Variants in DNAJC21 observed in about 807,000 individuals in gnomAD.
The protein encoded by DNAJC21 is DnaJ heat shock protein family (Hsp40) member C21, also known as dnaJ homolog subfamily C member 21.
A neutral mutation model predicts 72.4 loss-of-function variants in DNAJC21; 63 were observed. The ratio of observed to expected loss-of-function variants is 0.87; its 90% CI spans 0.71 to 1.07. The LOEUF is 1.07. DNAJC21 is among the 50% of genes least tolerant of loss of function. DNAJC21 has a pLI of 0.00. For missense variants in DNAJC21, 634 were observed against 644.8 expected, an observed-to-expected ratio of 0.98 and a Z score of 0.18; for synonymous variants, 203 against 216.7, an observed-to-expected ratio of 0.94 and a Z score of 0.56.
In DNAJC21 at chr5:34,956,087, T is replaced by C. The variant is rs1284627297; in HGVS notation, c.*1373T>C. 6.6e-6 allele frequency: 1 copy of C among 152,092 alleles called. No individual in the cohort carries two copies. The highest frequency in any genetic ancestry group is 2.4e-5 in the African/African-American group (1 of 41,328). The allele number at this position is 152,092 out of a possible 1,614,324, so 9.4% of individuals were successfully genotyped here. A position where few individuals can be genotyped will look rare whatever the true frequency, so the allele number is the denominator to read the frequency against. On this transcript the variant is annotated 3_prime_UTR_variant, in exon 12 of 12. Transcript: ENST00000648817. The stretch of plus-strand genomic sequence containing the variant: ...AAAAAAAAAAAAAAGAAAGTAATTT[T>C]AAACTCACTGGCTTGAAATGTGTGC...
Position 34,953,913 on chromosome 5 carries a change from A to G in DNAJC21, c.1359-13A>G, listed in dbSNP as rs570761732. 8 of 1,603,698 alleles carry G rather than the reference A, an allele frequency of 5.0e-6. No individual in the cohort carries two copies. In the South Asian group the frequency reaches 7.8e-5, roughly 16 times the overall value. ...TGTTATTTTTGGATTATGCTGAATT[A>G]TTTATTTTCCAGTGTTCCTAAACCC... On this transcript the variant is annotated splice_polypyrimidine_tract_variant and intron_variant, in intron 10 of 11. Coordinates refer to ENST00000648817, the MANE Select transcript of DNAJC21 (RefSeq NM_001012339.3).
At chr5:34,947,931 T>C (rs1231196839) in intron 9 of DNAJC21, among the ~76,000 whole-genome samples, 1 of 151,966 alleles carries the variant, frequency 6.6e-6, no homozygotes, top group East Asian at 1.9e-4. Flanking sequence ...GCAATAGTTC[T>C]GTAAAAAAAA....
intron 10 of DNAJC21, chr5:34,951,543 T>C (rs1330364518): frequency 2.3e-5 from 23 of 978,924 alleles, no homozygotes; most frequent in Non-Finnish European, 2.5e-5. Flanking sequence ...TTTTTTTTTT[T>C]TGGAGATGGA....
chr5:34,949,249 T>C (rs1765274941), intron 9 of DNAJC21, among the ~76,000 whole-genome samples: 1 of 152,154 alleles, frequency 6.6e-6, no homozygotes, highest in Non-Finnish European at 1.5e-5. Context: ...AACCTGAATC[T>C]GATCATTTGG....
intron 9 of DNAJC21, among the ~76,000 whole-genome samples, chr5:34,948,770 C>A (rs1412408883): frequency 6.6e-6 from 1 of 151,852 alleles, no homozygotes; most frequent in East Asian, 1.9e-4. Context: ...GAGCCTGAGG[C>A]AGGAGAATCG....
At chr5:34,952,221 G>A in intron 10 of DNAJC21, 5 of 985,100 alleles carry the variant, frequency 5.1e-6, no homozygotes, top group Non-Finnish European at 6.0e-6. Context: ...TAATATAAGT[G>A]ATGTTTGCCA....
intron 9 of DNAJC21, chr5:34,949,429 C>T: frequency 2.1e-6 from 3 of 1,461,392 alleles, no homozygotes; most frequent in Non-Finnish European, 2.8e-6. Flanking sequence ...TCCTGTATAT[C>T]CCTATACAGG....
At chr5:34,948,984 G>A (rs78564784) in intron 9 of DNAJC21, among the ~76,000 whole-genome samples, 23 of 152,258 alleles carry the variant, frequency 1.5e-4, no homozygotes, top group African/African-American at 5.1e-4. Context: ...ACATCCACCA[G>A]TATATAAATG....
chr5:34,945,424 T>G (rs1765142671), intron 8 of DNAJC21, among the ~76,000 whole-genome samples: 1 of 152,196 alleles, frequency 6.6e-6, no homozygotes, highest in African/African-American at 2.4e-5. Context: ...TAGAAAAGAT[T>G]GTCTCCATAT....
chr5:34,953,691 T>G, intron 10 of DNAJC21: 1 of 406,496 alleles, frequency 2.5e-6, no homozygotes, highest in Non-Finnish European at 4.4e-6. Context: ...TTGTTTCAAC[T>G]GTTTTAAGGA....
Position 34,941,031 on chromosome 5 carries a change from G to A in DNAJC21, c.896-65G>A. 3 of 1,254,146 alleles carry A rather than the reference G, an allele frequency of 2.4e-6. No homozygotes were observed. In the South Asian group the frequency reaches 4.0e-5, roughly 17 times the overall value. 77.7% of individuals were successfully genotyped at this position (1,254,146 alleles called of 1,614,324 possible). ...AATAAAAAAATTTAATTTCTAATTT[G>A]TTAGCATATTTTAGATTTGTGCTCT... On this transcript the variant is annotated intron_variant, in intron 6 of 11. Transcript: ENST00000648817.
rs1357242803 is a variant in DNAJC21 at position 34,955,506 on chromosome 5, T to C, written c.*792T>C. On this transcript the variant is annotated 3_prime_UTR_variant, in exon 12 of 12. Coordinates refer to ENST00000648817, the MANE Select transcript of DNAJC21 (RefSeq NM_001012339.3). Reference sequence around the variant, plus strand: ...TTAAGAAGAGATGTGGTGTTCTTCATTGAGTTTTTTTCTTCACTATTTTCA... The same window carrying C: ...TTAAGAAGAGATGTGGTGTTCTTCACTGAGTTTTTTTCTTCACTATTTTCA... 6.6e-6 allele frequency: 1 copy of C among 151,432 alleles called. No individual in the cohort carries two copies. Among genetic ancestry groups the C allele is most frequent in the Non-Finnish European group, 1.5e-5 (1 of 67,910 alleles). 9.4% of individuals were successfully genotyped at this position (151,432 alleles called of 1,614,324 possible).
At position 34,957,969 on chromosome 5, in the gene DNAJC21, A is replaced by G. The variant is rs1765583122; in HGVS notation, c.*3255A>G. The G allele has an allele frequency of 6.6e-6, 1 of 151,980 alleles. No individual in the cohort carries two copies. The highest frequency in any genetic ancestry group is 6.6e-5 in the Admixed American group (1 of 15,256). The allele number at this position is 151,980 out of a possible 1,614,324, so 9.4% of individuals were successfully genotyped here. On this transcript the variant is annotated 3_prime_UTR_variant, in exon 12 of 12. Coordinates refer to ENST00000648817, the MANE Select transcript of DNAJC21 (RefSeq NM_001012339.3). ...TATACTAAAAATATAGGCTCTTGGG[A>G]TTGGAGAGGAAAAATTAGAGGTGAT...
chr5:34,940,988 T>G (rs554925227), intron 6 of DNAJC21, 108 bp from the exon 7 acceptor site: 1 of 732,900 alleles, frequency 1.4e-6, no homozygotes, highest in Non-Finnish European at 2.2e-6. Flanking sequence ...CTTAGGATTA[T>G]TTTTTTTTAG....
chr5:34,954,319 G>C (rs1246905493), intron 11 of DNAJC21: 1 of 499,676 alleles, frequency 2.0e-6, no homozygotes, highest in East Asian at 3.4e-5. Context: ...CTCTTTTTTA[G>C]TCCATGAGGT....
intron 10 of DNAJC21, chr5:34,952,209 CATAAT>C: frequency 1.0e-6 from 1 of 985,086 alleles, no homozygotes; most frequent in Non-Finnish European, 1.2e-6. Flanking sequence ...AACTGTCTTT[CATAAT>C]ATAAGTGATG....
chr5:34,942,406 G>T (rs555400230), intron 7 of DNAJC21, among the ~76,000 whole-genome samples: 1 of 152,284 alleles, frequency 6.6e-6, no homozygotes, highest in East Asian at 1.9e-4. Context: ...CAATCAGAGA[G>T]AAAGGAGGCC....
chr5:34,951,289 G>T, intron 10 of DNAJC21: 1 of 985,412 alleles, frequency 1.0e-6, no homozygotes, highest in African/African-American at 1.7e-5. Flanking sequence ...CCAGGTGTTT[G>T]TTCCCTTTCT....
chr5:34,949,844 T>G lies in DNAJC21; in HGVS notation c.1186-326T>G, dbSNP rs72732850. On this transcript the variant is annotated intron_variant, in intron 9 of 11. Coordinates refer to ENST00000648817, the MANE Select transcript of DNAJC21 (RefSeq NM_001012339.3). ...GAGATTACTTAATAAAGAATTAAAT[T>G]GTGATTACACTATGTATAATTTTCT... Among the ~76,000 whole-genome samples the G allele has an allele frequency of 0.015, 2,255 of 152,342 alleles. 22 individuals are homozygous for G. Among genetic ancestry groups the G allele is most frequent in the Non-Finnish European group, 0.021 (1,439 of 68,026 alleles).
Sources: gnomAD v4.1 joint callset for allele counts (sites outside exome capture counted in the v4.1 genomes callset) on GRCh38, gnomAD v4.1.1 for gene constraint, MANE v1.5 for transcripts, NCBI Gene and HGNC (gene_info 2026-07-23, HGNC 2026-07-21) for gene names.